Variants in NTNG1 observed in about 807,000 individuals in gnomAD.
The protein encoded by NTNG1 is netrin-G1.
A neutral mutation model predicts 54.0 loss-of-function variants in NTNG1; 16 were observed. The ratio of observed to expected loss-of-function variants is 0.30; its 90% CI spans 0.20 to 0.45. NTNG1 has a LOEUF of 0.45. Ranked by LOEUF, NTNG1 falls within the 20% of genes least tolerant of loss-of-function variation. The pLI is 1.00. For missense variants in NTNG1, 530 were observed against 678.7 expected, an observed-to-expected ratio of 0.78 and a Z score of 2.43; for synonymous variants, 255 against 263.1, an observed-to-expected ratio of 0.97 and a Z score of 0.30.
chr1:107,292,399 G>A (rs1340502240), intron 2 of NTNG1, among the ~76,000 whole-genome samples: 1 of 152,146 alleles, frequency 6.6e-6, no homozygotes, highest in Non-Finnish European at 1.5e-5. Context: ...TCAGACATGA[G>A]CACAACAGGA....
intron 2 of NTNG1, among the ~76,000 whole-genome samples, chr1:107,226,193 T>C (rs979464023): frequency 2.0e-5 from 3 of 152,176 alleles, no homozygotes; most frequent in Non-Finnish European, 4.4e-5. Context: ...GTTATGACTA[T>C]ATTGTGGAAC....
chr1:107,265,842 C>G (rs1317762252), intron 2 of NTNG1, among the ~76,000 whole-genome samples: 1 of 152,152 alleles, frequency 6.6e-6, no homozygotes, highest in Non-Finnish European at 1.5e-5. Context: ...AGTACTCTCT[C>G]TGGTGGTCTG....
intron 7 of NTNG1, among the ~76,000 whole-genome samples, chr1:107,474,856 T>C (rs922011984): frequency 3.3e-5 from 5 of 152,204 alleles, no homozygotes; most frequent in Admixed American, 2.0e-4. Flanking sequence ...AAGGTCCCAC[T>C]TCTTAATACT....
chr1:107,318,155 T>A (rs1320928161), intron 2 of NTNG1, among the ~76,000 whole-genome samples: 4 of 152,136 alleles, frequency 2.6e-5, no homozygotes, highest in Admixed American at 1.3e-4. Flanking sequence ...ATAAAATAAT[T>A]CACAAGTTTT....
chr1:107,197,578 C>A (rs1333497437), intron 2 of NTNG1, among the ~76,000 whole-genome samples: 1 of 151,994 alleles, frequency 6.6e-6, no homozygotes, highest in Non-Finnish European at 1.5e-5. Flanking sequence ...TAAGGCGACA[C>A]TCAGAGAGTT....
At chr1:107,204,832 C>G (rs1250555331) in intron 2 of NTNG1, among the ~76,000 whole-genome samples, 1 of 152,104 alleles carries the variant, frequency 6.6e-6, no homozygotes, top group Non-Finnish European at 1.5e-5. Flanking sequence ...TTCTTGACTA[C>G]TGGTTTTGGG....
chr1:107,225,829 T>C (rs1385541494), intron 2 of NTNG1, among the ~76,000 whole-genome samples: 1 of 152,112 alleles, frequency 6.6e-6, no homozygotes, highest in Non-Finnish European at 1.5e-5. Context: ...AGATTCTTTT[T>C]TCATAGAACC....
chr1:107,419,164 C>T (rs1015164571), intron 5 of NTNG1, among the ~76,000 whole-genome samples: 2 of 151,634 alleles, frequency 1.3e-5, no homozygotes, highest in Non-Finnish European at 2.9e-5. Context: ...TGTCTTCCTC[C>T]CTCCCTTTAG....
At chr1:107,384,577 T>C (rs1422911288) in intron 3 of NTNG1, among the ~76,000 whole-genome samples, 1 of 152,242 alleles carries the variant, frequency 6.6e-6, no homozygotes, top group Non-Finnish European at 1.5e-5. Context: ...TTATAGTCTA[T>C]ACCAGTCAGT....
chr1:107,271,199 AT>A (rs1051049052), intron 2 of NTNG1, among the ~76,000 whole-genome samples: 18 of 151,936 alleles, frequency 1.2e-4, no homozygotes, highest in Admixed American at 5.2e-4. Context: ...TATTGTAAGA[AT>A]TTTTTTTTAT....
In NTNG1 at chr1:107,394,647, T is replaced by G. The variant is rs562849077; in HGVS notation, c.888-507T>G. The stretch of plus-strand genomic sequence containing the variant: ...CAGAATGAGAACACTTGATTATAAT[T>G]TCTTGGGTTTCTAAGAATAAGTCTG... On this transcript the variant is annotated intron_variant, in intron 3 of 7. Coordinates refer to ENST00000370068, the MANE Select transcript of NTNG1 (RefSeq NM_001113226.3). 4.6e-5 allele frequency among the ~76,000 whole-genome samples: 7 copies of G among 152,332 alleles called. 1 individual carries two copies. In the South Asian group the frequency reaches 8.3e-4, roughly 18 times the overall value.
chr1:107,439,286 G>GTA (rs1416203684), intron 7 of NTNG1, among the ~76,000 whole-genome samples: 1 of 151,528 alleles, frequency 6.6e-6, no homozygotes, highest in African/African-American at 2.4e-5. Context: ...GCGTGTGTGT[G>GTA]TGTGTGTGTG....
At chr1:107,285,583 A>G (rs953038737) in intron 2 of NTNG1, among the ~76,000 whole-genome samples, 4 of 152,178 alleles carry the variant, frequency 2.6e-5, no homozygotes, top group Admixed American at 6.6e-5. Flanking sequence ...GTGTTTCTGC[A>G]TACAATCAGC....
intron 7 of NTNG1, among the ~76,000 whole-genome samples, chr1:107,469,649 G>T (rs1677851143): frequency 6.6e-6 from 1 of 152,028 alleles, no homozygotes; most frequent in Non-Finnish European, 1.5e-5. Flanking sequence ...AATAGAGCCT[G>T]GGTTCGACCA....
chr1:107,158,886 C>T (rs1462232550), intron 2 of NTNG1, among the ~76,000 whole-genome samples: 1 of 151,978 alleles, frequency 6.6e-6, no homozygotes, highest in Non-Finnish European at 1.5e-5. Context: ...TGCATAGGTG[C>T]CAGAAGACAT....
chr1:107,167,842 G>T (rs1386381243), intron 2 of NTNG1, among the ~76,000 whole-genome samples: 4 of 151,362 alleles, frequency 2.6e-5, no homozygotes, highest in African/African-American at 9.7e-5. Context: ...TGTGTATATT[G>T]TTTGTTAGTT....
intron 7 of NTNG1, among the ~76,000 whole-genome samples, chr1:107,465,638 G>C (rs1404989250): frequency 6.6e-6 from 1 of 152,176 alleles, no homozygotes; most frequent in Non-Finnish European, 1.5e-5. Context: ...TTAAAGAATG[G>C]GTGGAGAGTT....
intron 2 of NTNG1, among the ~76,000 whole-genome samples, chr1:107,283,571 G>A (rs541429413): frequency 6.6e-6 from 1 of 152,154 alleles, no homozygotes; most frequent in Non-Finnish European, 1.5e-5. Flanking sequence ...CTTGTAATGA[G>A]CAAGTCAGAT....
At chr1:107,334,067 T>C (rs1413166215) in intron 3 of NTNG1, 1 of 151,988 alleles carries the variant, frequency 6.6e-6, no homozygotes, top group Non-Finnish European at 1.5e-5. Context: ...TCCTCCCATA[T>C]GTAAGTGCCT....
Sources: allele counts gnomAD v4.1 joint callset (sites outside exome capture counted in the v4.1 genomes callset), GRCh38; gene constraint gnomAD v4.1.1; transcripts MANE v1.5; gene names NCBI Gene and HGNC (gene_info 2026-07-23, HGNC 2026-07-21).